The following ROPN1B variants were observed in gnomAD, a reference collection of about 807,000 sequenced individuals.
ROPN1B encodes rhophilin associated tail protein 1B, also known as ropporin-1B.
In ROPN1B, 13 loss-of-function variants were observed where a neutral mutation model predicts 23.7. The ratio of observed to expected loss-of-function variants is 0.55; its 90% confidence interval spans 0.36 to 0.87. The LOEUF is 0.87. Ranked by LOEUF, ROPN1B falls within the 40% of genes least tolerant of loss-of-function variation. The pLI is 0.01. For synonymous variants in ROPN1B, 67 were observed against 100.4 expected (o/e 0.67, Z 1.99); for missense variants, 183 against 249.2 (o/e 0.73, Z 1.79).
intron 5 of ROPN1B, chr3:125,977,497 T>C (rs1938464438): frequency 2.5e-6 from 1 of 397,694 alleles, no homozygotes; most frequent in African/African-American, 2.0e-5. Flanking sequence ...GAGCCGACTG[T>C]AGAAAAAGAC....
chr3:125,976,876 TA>T, intron 4 of ROPN1B, 127 bp from the exon 5 acceptor site: 1 of 796,320 alleles, frequency 1.3e-6, no homozygotes, highest in Non-Finnish European at 2.3e-6. Flanking sequence ...TTTACCTTCC[TA>T]ACACCCCCTC....
chr3:125,973,781 ATGGTTG>A (rs1938300899), intron 3 of ROPN1B: 1 of 152,446 alleles, frequency 6.6e-6, no homozygotes, highest in Admixed American at 6.6e-5. Context: ...CACTGCTCAG[ATGGTTG>A]TATGTGACTT....
chr3:125,973,448 T>C, intron 3 of ROPN1B: 1 of 174,724 alleles, frequency 5.7e-6, no homozygotes, highest in South Asian at 1.2e-4. Context: ...ATTTTATATA[T>C]TGCCTCTAAG....
rs779869906 is a variant in ROPN1B, at chr3:125,983,271, T to C, written c.590T>C (p.Leu197Ser). Residue 197 changes from leucine to serine, a missense_variant, in exon 7 of 7, where the codon TTA becomes TCA. Leu to Ser is a moderately radical substitution (Grantham distance 145, BLOSUM62 -2). Transcript: ENST00000514116. ...CCAAACAGAATTGGTCCTGATGGTT[T>C]AATCACGGTGAATGACTTTACCCAA... ...IEQEVIGPDGLITVNDFTQNP... is the reference protein window; with the variant it reads ...IEQEVIGPDGSITVNDFTQNP... 1.2e-6 allele frequency: 2 copies of C among 1,613,554 alleles called. No individual in the cohort carries two copies. The highest frequency in any genetic ancestry group is 2.2e-5 in the South Asian group (2 of 91,032).
intron 3 of ROPN1B, chr3:125,973,638 C>T (rs1210669393): frequency 6.5e-6 from 1 of 154,158 alleles, no homozygotes; most frequent in African/African-American, 2.4e-5. Flanking sequence ...CTATTGTAGA[C>T]TGCTTGCTCT....
chr3:125,979,333 T>C (rs554678672), intron 5 of ROPN1B, among the ~76,000 whole-genome samples: 153 of 152,276 alleles, frequency 1.0e-3, no homozygotes, highest in Non-Finnish European at 1.8e-3. Context: ...AGTGGTACAG[T>C]GTGAATGTTT....
intron 3 of ROPN1B, 117 bp from the exon 4 acceptor site, chr3:125,975,446 T>G: frequency 9.4e-7 from 1 of 1,065,840 alleles, no homozygotes; most frequent in Non-Finnish European, 1.3e-6. Context: ...TAGAAGCCAC[T>G]TTACAAAGGT....
At chr3:125,972,590 G>C in intron 3 of ROPN1B, 1 of 370,194 alleles carries the variant, frequency 2.7e-6, no homozygotes, top group Non-Finnish European at 4.9e-6. Flanking sequence ...CAGTGCAGCC[G>C]GGGGAGGGAA....
intron 2 of ROPN1B, among the ~76,000 whole-genome samples, chr3:125,971,396 G>C (rs1210599624): frequency 6.6e-6 from 1 of 152,152 alleles, no homozygotes; most frequent in Non-Finnish European, 1.5e-5. Context: ...TTGTTTATTT[G>C]TGGATGGAAT....
intron 5 of ROPN1B, among the ~76,000 whole-genome samples, chr3:125,979,038 T>C (rs1428456222): frequency 6.6e-6 from 1 of 152,190 alleles, no homozygotes; most frequent in Non-Finnish European, 1.5e-5. Flanking sequence ...TTCCATGAGA[T>C]TCATCTACCT....
At chr3:125,979,409 T>A (rs1424807157) in intron 5 of ROPN1B, among the ~76,000 whole-genome samples, 1 of 152,150 alleles carries the variant, frequency 6.6e-6, no homozygotes, top group Non-Finnish European at 1.5e-5. Context: ...AAGTAGGGCC[T>A]CTGGGAGTTG....
Position 125,977,259 on chromosome 3 carries a change from G to A in ROPN1B, c.396+94G>A, listed in dbSNP as rs899440384. On this transcript the variant is annotated intron_variant, in intron 5 of 6. Coordinates refer to ENST00000514116, the MANE Select transcript of ROPN1B (RefSeq NM_001308313.2). The stretch of plus-strand genomic sequence containing the variant: ...TCTATACACGCGGTCAACTCTGCAG[G>A]GCTGATGATAAACATGCCTCTTCTC... The A allele has an allele frequency of 4.7e-6, 6 of 1,283,274 alleles. No individual in the cohort carries two copies. In the African/African-American group the frequency reaches 9.5e-5, roughly 20 times the overall value. 79.5% of individuals were successfully genotyped at this position (1,283,274 alleles called of 1,614,324 possible). A position where few individuals can be genotyped will look rare whatever the true frequency, so the allele number is the denominator to read the frequency against.
Position 125,983,311 on chromosome 3 carries a change from G to A in ROPN1B, c.630G>A (p.Trp210Ter), listed in dbSNP as rs1938674984. ...VNDFTQNPRV[W>*]LE ...ACTTTACCCAAAACCCCAGGGTTTG[G>A]CTGGAGTAACAGCACAATTTTGGCA... The change falls in exon 7 of 7, where the codon TGG becomes TGA. Residue 210 changes from tryptophan (W) to a stop codon, truncating the protein, a stop_gained. Coordinates refer to ENST00000514116, the MANE Select transcript of ROPN1B (RefSeq NM_001308313.2). LOFTEE classifies it high-confidence loss of function. 1.2e-6 allele frequency: 2 copies of A among 1,613,096 alleles called. No individual in the cohort carries two copies. The highest frequency in any genetic ancestry group is 2.7e-5 in the African/African-American group (2 of 74,876).
At chr3:125,978,749 T>C (rs932388490) in intron 5 of ROPN1B, among the ~76,000 whole-genome samples, 10 of 152,184 alleles carry the variant, frequency 6.6e-5, no homozygotes, top group African/African-American at 2.4e-4. Flanking sequence ...AGGGCCTCTT[T>C]GAGTCCGCCA....
chr3:125,976,197 T>C (rs1209607558), intron 4 of ROPN1B, among the ~76,000 whole-genome samples: 1 of 152,136 alleles, frequency 6.6e-6, no homozygotes, highest in Non-Finnish European at 1.5e-5. Flanking sequence ...TTTGGCCAAT[T>C]CCCAGGAAAT....
chr3:125,970,610 C>T (rs909376199), intron 1 of ROPN1B, among the ~76,000 whole-genome samples: 5 of 151,872 alleles, frequency 3.3e-5, no homozygotes, highest in African/African-American at 1.2e-4. Context: ...CCCCCCTCTC[C>T]GAGAAACACC....
chr3:125,981,622 T>C (rs116554784), intron 5 of ROPN1B, among the ~76,000 whole-genome samples: 131 of 152,328 alleles, frequency 8.6e-4, no homozygotes, highest in African/African-American at 3.0e-3. Context: ...GAGGGTTTGC[T>C]TCTGTAGTAA....
chr3:125,971,720 CATAT>C (rs1158438743), intron 2 of ROPN1B, among the ~76,000 whole-genome samples: 38 of 152,108 alleles, frequency 2.5e-4, no homozygotes, highest in Admixed American at 2.5e-3. Flanking sequence ...GTTTTACAAA[CATAT>C]ATATTTATAC....
intron 5 of ROPN1B, among the ~76,000 whole-genome samples, chr3:125,981,441 AGT>A (rs1184747635): frequency 1.3e-5 from 2 of 152,194 alleles, no homozygotes; most frequent in African/African-American, 4.8e-5. Context: ...TCCCTGGAAG[AGT>A]GTGTCAGGAT....
Sources: allele counts gnomAD v4.1 joint callset (sites outside exome capture counted in the v4.1 genomes callset), GRCh38; gene constraint gnomAD v4.1.1; transcripts MANE v1.5; gene names NCBI Gene and HGNC (gene_info 2026-07-23, HGNC 2026-07-21).